OTOGL: variants seen among roughly 807,000 people sequenced by gnomAD.
OTOGL encodes otogelin like.
A neutral mutation model predicts 318.5 loss-of-function variants in OTOGL; 285 were observed. The ratio of observed to expected loss-of-function variants is 0.89; its 90% CI spans 0.81 to 0.99. The LOEUF (loss-of-function observed/expected upper bound fraction) is 0.99. OTOGL is among the 50% of genes least tolerant of loss of function. The probability of loss-of-function intolerance (pLI) is 0.00; values close to 1 mark genes in which losing one functional copy is unlikely to be tolerated. For missense variants in OTOGL, 2,899 were observed against 2,845.6 expected (o/e 1.02, Z -0.43); for synonymous variants, 987 against 936.5 (o/e 1.05, Z -0.99).
At chr12:80,232,519 T>TA (rs1228980717) in intron 8 of OTOGL, among the ~76,000 whole-genome samples, 5 of 152,196 alleles carry the variant, frequency 3.3e-5, no homozygotes, top group Non-Finnish European at 7.4e-5. Context: ...ACTCTCTAGA[T>TA]AAAAAATAAT....
intron 1 of OTOGL, among the ~76,000 whole-genome samples, chr12:80,145,418 T>C (rs1208426139): frequency 7.2e-5 from 11 of 151,922 alleles, no homozygotes; most frequent in Admixed American, 6.6e-4. Flanking sequence ...TTGATCTATA[T>C]CTCTGTTTTG....
In OTOGL at chr12:80,158,496, G is replaced by A. The variant is rs866478503; in HGVS notation, c.-19-50917G>A. On this transcript the variant is annotated intron_variant, in intron 1 of 58. Transcript: ENST00000547103. ...ATGGCCTTGCAGAATTGGTAGAATG[G>A]CAGAGATAGGAGGTAAAGGCATTCT... Among the ~76,000 whole-genome samples, 5 of 152,088 alleles carry A rather than the reference G, an allele frequency of 3.3e-5. No individual in the cohort carries two copies. In the Middle Eastern group the frequency reaches 0.014, roughly 414 times the overall value.
intron 11 of OTOGL, among the ~76,000 whole-genome samples, chr12:80,243,456 C>T (rs924554232): frequency 3.3e-5 from 5 of 151,716 alleles, no homozygotes; most frequent in South Asian, 2.1e-4. Flanking sequence ...GTATGGGTAA[C>T]GGACATTCTC....
At chr12:80,198,031 C>A (rs1206057352) in intron 1 of OTOGL, among the ~76,000 whole-genome samples, 1 of 151,878 alleles carries the variant, frequency 6.6e-6, no homozygotes, top group Non-Finnish European at 1.5e-5. Flanking sequence ...TCCTTTCTTC[C>A]TCTTTGTTTT....
In OTOGL at chr12:80,256,479, G is replaced by A. The variant is rs371115632; in HGVS notation, c.1711+19G>A. 164 of 1,551,630 alleles carry A rather than the reference G, an allele frequency of 1.1e-4. 1 individual carries two copies. The highest frequency in any genetic ancestry group is 1.2e-4 in the Non-Finnish European group (139 of 1,157,728). On this transcript the variant is annotated intron_variant, in intron 17 of 58. Transcript: ENST00000547103. ...CTGAATGGTAAGAAACAGTGCTAAT[G>A]GTGTACTTTCTTTACATCAAACAAA...
At chr12:80,371,949 C>A in intron 56 of OTOGL, 70 bp from the exon 57 acceptor site, 2 of 1,015,846 alleles carry the variant, frequency 2.0e-6, no homozygotes, top group Middle Eastern at 2.3e-4. Context: ...AGTTAGTTTT[C>A]TTTTTCTAGT....
chr12:80,114,868 C>T (rs1870067690), intron 1 of OTOGL, among the ~76,000 whole-genome samples: 1 of 151,218 alleles, frequency 6.6e-6, no homozygotes, highest in Non-Finnish European at 1.5e-5. Context: ...TTAAGTTGAT[C>T]TTCAATCTCT....
chr12:80,289,306 A>G (rs955770319), intron 26 of OTOGL, among the ~76,000 whole-genome samples: 1 of 152,122 alleles, frequency 6.6e-6, no homozygotes, highest in African/African-American at 2.4e-5. Context: ...TGCCAGCCAG[A>G]GCTCTCCTGT....
intron 30 of OTOGL, 130 bp from the exon 31 acceptor site, chr12:80,313,346 G>C: frequency 2.6e-6 from 2 of 782,054 alleles, no homozygotes; most frequent in Non-Finnish European, 4.0e-6. Context: ...TTTAAATAAA[G>C]AGAACTCTCT....
chr12:80,347,938 C>T (rs1889301287), intron 44 of OTOGL, among the ~76,000 whole-genome samples: 1 of 152,102 alleles, frequency 6.6e-6, no homozygotes, highest in African/African-American at 2.4e-5. Context: ...AGTGTCTGTT[C>T]CTATCCTTCA....
chr12:80,283,100 C>T (rs1268292004), intron 26 of OTOGL, among the ~76,000 whole-genome samples: 1 of 152,002 alleles, frequency 6.6e-6, no homozygotes, highest in Non-Finnish European at 1.5e-5. Context: ...ATCTTAGCTA[C>T]AGCTACACAC....
At chr12:80,360,620 T>C (rs1373477630) in intron 52 of OTOGL, among the ~76,000 whole-genome samples, 2 of 151,990 alleles carry the variant, frequency 1.3e-5, no homozygotes, top group African/African-American at 4.8e-5. Context: ...TAGCTGGGAC[T>C]GCAGGCGTGT....
intron 1 of OTOGL, among the ~76,000 whole-genome samples, chr12:80,162,392 G>A (rs1873571519): frequency 6.6e-6 from 1 of 152,018 alleles, no homozygotes; most frequent in South Asian, 2.1e-4. Context: ...GGTCTCCTGT[G>A]GCTAGAGTGA....
At chr12:80,290,768 T>C (rs1884991170) in intron 26 of OTOGL, among the ~76,000 whole-genome samples, 1 of 152,230 alleles carries the variant, frequency 6.6e-6, no homozygotes, top group Non-Finnish European at 1.5e-5. Context: ...TGGTGATCTT[T>C]GTTCACATTA....
rs1377682103 is a variant in OTOGL, at chr12:80,313,562, T to C, written c.3537T>C (p.Ser1179=). Reference sequence around the variant, plus strand: ...GCGACTGTGAGTGTTTGTGCACTAGTATAGCTGCATATGCATACAAGTGTT... The same window carrying C: ...GCGACTGTGAGTGTTTGTGCACTAGCATAGCTGCATATGCATACAAGTGTT... The part of the protein sequence containing the change: ...LGGDCECLCT[S]IAAYAYKCCQ... The change falls in exon 31 of 59, where the codon AGT becomes AGC. Residue 1179 remains serine, a synonymous_variant. Coordinates refer to ENST00000547103, the MANE Select transcript of OTOGL (RefSeq NM_001378609.3). The C allele has an allele frequency of 2.9e-5, 47 of 1,612,510 alleles. No homozygotes were observed. Among genetic ancestry groups the C allele is most frequent in the Non-Finnish European group, 3.9e-5 (46 of 1,178,748 alleles).
rs752869008 is a variant in OTOGL at position 80,302,546 on chromosome 12, T to G, written c.3064-88T>G. The G allele has an allele frequency of 3.9e-4, 350 of 886,778 alleles. 3 individuals are homozygous for G. In the Middle Eastern group the frequency reaches 4.1e-3, roughly 10 times the overall value. 54.9% of individuals were successfully genotyped at this position (886,778 alleles called of 1,614,324 possible). ...GCAACAATATTAGTACATAAATAGT[T>G]GTTGGTAAATGTTAACTAAACTAAT... is the stretch of plus-strand genomic sequence containing the variant. On this transcript the variant is annotated intron_variant, in intron 27 of 58. Transcript: ENST00000547103.
chr12:80,235,755 G>A lies in OTOGL; in HGVS notation c.817+2658G>A, dbSNP rs111472372. Among the ~76,000 whole-genome samples, 1,080 of 152,188 alleles carry A rather than the reference G, an allele frequency of 7.1e-3. 17 individuals carry two copies. Among genetic ancestry groups the A allele is most frequent in the African/African-American group, 0.025 (1,031 of 41,514 alleles). On this transcript the variant is annotated intron_variant, in intron 9 of 58. Coordinates refer to ENST00000547103, the MANE Select transcript of OTOGL (RefSeq NM_001378609.3). ...CGGAATTATAGCTGAACTGGCAGAA[G>A]GCAAGAAGGATTCCGGAAAGTATAT...
chr12:80,350,947 C>T (rs910893737), intron 44 of OTOGL, among the ~76,000 whole-genome samples: 1 of 151,978 alleles, frequency 6.6e-6, no homozygotes, highest in Non-Finnish European at 1.5e-5. Flanking sequence ...GTTTTCTGTA[C>T]TTTGGGGTTC....
rs575036096 is a variant in OTOGL at position 80,167,359 on chromosome 12, A to G, written c.-19-42054A>G. 5.9e-5 allele frequency among the ~76,000 whole-genome samples: 9 copies of G among 152,274 alleles called. No homozygotes were observed. The South Asian group carries it at 1.9e-3, about 32-fold the overall frequency. ...TTGGTTTTGATTTTTTAAAAGAGTA[A>G]TTGGAAGGCTTTTTTAAAAATCAAG... On this transcript the variant is annotated intron_variant, in intron 1 of 58. Transcript: ENST00000547103.
Sources: allele counts gnomAD v4.1 joint callset (sites outside exome capture counted in the v4.1 genomes callset), GRCh38; gene constraint gnomAD v4.1.1; transcripts MANE v1.5; gene names NCBI Gene and HGNC (gene_info 2026-07-23, HGNC 2026-07-21).